SLC5A11: variants seen among roughly 807,000 people sequenced by gnomAD.
SLC5A11 encodes solute carrier family 5 member 11, also known as sodium/myo-inositol cotransporter 2.
Under a neutral mutation model 69.8 loss-of-function variants are expected in SLC5A11, and 48 were observed. That is an observed-to-expected ratio of 0.69 (90% CI 0.55 to 0.87). The LOEUF (loss-of-function observed/expected upper bound fraction) is 0.87. SLC5A11 is among the 40% of genes least tolerant of loss of function. The pLI is 0.00. For synonymous variants in SLC5A11, 319 were observed against 342.4 expected, an observed-to-expected ratio of 0.93 and a Z score of 0.75; for missense variants, 784 against 866.1, an observed-to-expected ratio of 0.91 and a Z score of 1.19.
exon 13 of SLC5A11, chr16:24,907,987 G>T (rs1394926647): frequency 6.2e-7 from 1 of 1,614,108 alleles, no homozygotes; most frequent in Admixed American, 1.7e-5. Context: ...TGCTGGTCCT[G>T]GTCTCCATCC....
chr16:24,893,476 G>T (rs982125110), intron 9 of SLC5A11, among the ~76,000 whole-genome samples: 2 of 151,944 alleles, frequency 1.3e-5, no homozygotes, highest in Non-Finnish European at 2.9e-5. Flanking sequence ...CACCTGCCCA[G>T]GTATTCCCCC....
chr16:24,856,597 CAAA>C (rs35867622), intron 1 of SLC5A11, among the ~76,000 whole-genome samples: 4,856 of 88,796 alleles, frequency 0.055, 102 homozygotes, highest in African/African-American at 0.074. Context: ...ACTAAAAATA[CAAA>C]AAAAAAAAAA....
At chr16:24,870,442 A>ACC (rs71156449) in intron 4 of SLC5A11, among the ~76,000 whole-genome samples, 16,469 of 140,470 alleles carry the variant, frequency 0.12, 1,197 homozygotes, top group Non-Finnish European at 0.16. Flanking sequence ...AACAAAAAAA[A>ACC]ACACACACAC....
chr16:24,891,129 G>A (rs2048776223), intron 9 of SLC5A11, 55 bp downstream of exon 10: 2 of 1,567,844 alleles, frequency 1.3e-6, no homozygotes, highest in Admixed American at 1.7e-5. Flanking sequence ...TTTCCTTAGG[G>A]TGGCTGAAGT....
chr16:24,854,183 G>T (rs1332976540), intron 1 of SLC5A11, among the ~76,000 whole-genome samples: 1 of 152,164 alleles, frequency 6.6e-6, no homozygotes, highest in African/African-American at 2.4e-5. Context: ...GGCAGCCGCC[G>T]CCCCTCCTCC....
At chr16:24,894,365 C>T (rs1465221998) in intron 9 of SLC5A11, among the ~76,000 whole-genome samples, 1 of 152,130 alleles carries the variant, frequency 6.6e-6, no homozygotes, top group Non-Finnish European at 1.5e-5. Flanking sequence ...GTGGAAAAAG[C>T]AAGGAAAGAT....
In SLC5A11 at chr16:24,867,856, G is replaced by C. The variant is rs73553427; in HGVS notation, c.208-2045G>C. ...TTATATCTATAAAAAGTAAAGACAG[G>C]CCAAGCACAGTGGCTCACCCCTGTA... On this transcript the variant is annotated intron_variant, in intron 3 of 15. Coordinates refer to ENST00000347898, the Ensembl canonical transcript of SLC5A11. Among the ~76,000 whole-genome samples the C allele has an allele frequency of 4.6e-3, 702 of 152,182 alleles. 4 individuals are homozygous for C. The highest frequency in any genetic ancestry group is 0.016 in the African/African-American group (644 of 41,516).
chr16:24,906,898 G>C (rs2050107316), intron 11 of SLC5A11, 127 bp from the exon 13 acceptor site: 33 of 1,438,480 alleles, frequency 2.3e-5, no homozygotes, highest in Non-Finnish European at 3.1e-5. Context: ...CCCAAGAAAG[G>C]CTACGTCCTG....
At chr16:24,882,772 A>C (rs2048128850) in intron 7 of SLC5A11, among the ~76,000 whole-genome samples, 1 of 152,050 alleles carries the variant, frequency 6.6e-6, no homozygotes, top group African/African-American at 2.4e-5. Context: ...CAGCCTCCCG[A>C]GTAGCTGGGA....
At position 24,872,229 on chromosome 16, in the gene SLC5A11, G is replaced by A. The variant is rs1477856392; in HGVS notation, c.372+10G>A. 1 of 1,614,018 alleles carries A rather than the reference G, an allele frequency of 6.2e-7. No individual in the cohort carries two copies. The highest frequency in any genetic ancestry group is 2.2e-5 in the East Asian group (1 of 44,876). On this transcript the variant is annotated intron_variant, in intron 5 of 15. Coordinates refer to ENST00000347898, the Ensembl canonical transcript of SLC5A11. ...CTACATTGCTGGTCAGGTGAGTCGG[G>A]GGACATTGGGATGCTGTAGAATTGA...
At chr16:24,872,314 T>G in intron 5 of SLC5A11, 95 bp downstream of exon 6, 1 of 1,414,054 alleles carries the variant, frequency 7.1e-7, no homozygotes, top group Non-Finnish European at 1.0e-6. Flanking sequence ...CCCTCCCTCC[T>G]GCCCATGGTC....
At chr16:24,905,615 C>G (rs951351362) in intron 10 of SLC5A11, among the ~76,000 whole-genome samples, 20 of 149,750 alleles carry the variant, frequency 1.3e-4, no homozygotes, top group African/African-American at 4.9e-4. Context: ...GAGCAAGACC[C>G]CATCTCAAAA....
At chr16:24,866,495 C>T (rs2046924841) in intron 3 of SLC5A11, among the ~76,000 whole-genome samples, 1 of 150,976 alleles carries the variant, frequency 6.6e-6, no homozygotes, top group Non-Finnish European at 1.5e-5. Context: ...GGGAGGATCA[C>T]TTGAGCCCAG....
intron 9 of SLC5A11, 39 bp downstream of exon 10, chr16:24,891,113 T>C (rs274082): frequency 0.24 from 384,669 of 1,594,248 alleles, 48,958 homozygotes; most frequent in South Asian, 0.39. Context: ...TCCTTCTCTT[T>C]GCTTCTTTCC....
intron 8 of SLC5A11, among the ~76,000 whole-genome samples, chr16:24,887,795 A>G (rs2048485477): frequency 6.6e-6 from 1 of 152,210 alleles, no homozygotes; most frequent in Non-Finnish European, 1.5e-5. Context: ...GGGTTAAGAA[A>G]ATGTAACTTG....
chr16:24,901,871 G>A lies in SLC5A11; in HGVS notation c.1006+3762G>A, dbSNP rs146799920. On this transcript the variant is annotated intron_variant, in intron 10 of 15. Transcript: ENST00000347898. ...AGGCCAAGGCAGGAAGATCGCTTGA[G>A]CCCAGGAGTTTGAGACCAGCCTGGG... 9.1e-3 allele frequency among the ~76,000 whole-genome samples: 1,377 copies of A among 151,822 alleles called. 26 individuals carry two copies. The highest frequency in any genetic ancestry group is 0.032 in the African/African-American group (1,322 of 41,346).
chr16:24,903,646 C>G (rs1415687397), intron 10 of SLC5A11, among the ~76,000 whole-genome samples: 2 of 152,124 alleles, frequency 1.3e-5, no homozygotes, highest in Non-Finnish European at 2.9e-5. Flanking sequence ...ATAATATTCT[C>G]CAAGTTCATC....
At chr16:24,911,577 C>G (rs757586971) in exon 16 of SLC5A11, 226 of 1,572,042 alleles carry the variant, frequency 1.4e-4, no homozygotes, top group Non-Finnish European at 1.9e-4. Flanking sequence ...CTCTTCAGTG[C>G]TCCATTTTTT....
chr16:24,910,476 C>T (rs999734807), exon 15 of SLC5A11: 6 of 1,613,702 alleles, frequency 3.7e-6, no homozygotes, highest in Non-Finnish European at 5.1e-6. Context: ...AAACCCACAG[C>T]TGTGAGTAGC....
Sources: gnomAD v4.1 joint callset for allele counts (sites outside exome capture counted in the v4.1 genomes callset) on GRCh38, gnomAD v4.1.1 for gene constraint, MANE v1.5 for transcripts, NCBI Gene and HGNC (gene_info 2026-07-23, HGNC 2026-07-21) for gene names.